Variants in NECAB1 observed in about 807,000 individuals in gnomAD.
The protein encoded by NECAB1 is N-terminal EF-hand calcium-binding protein 1.
NECAB1 carries 29 observed loss-of-function variants against 57.5 expected under a neutral mutation model. The observed-to-expected ratio is 0.50, with a 90% CI of 0.38 to 0.69. NECAB1 has a LOEUF of 0.69. Ranked by LOEUF, NECAB1 falls within the 30% of genes least tolerant of loss-of-function variation. The pLI is 0.00. For missense variants in NECAB1, 372 were observed against 413.8 expected, an observed-to-expected ratio of 0.90 and a Z score of 0.88; for synonymous variants, 142 against 147.7, an observed-to-expected ratio of 0.96 and a Z score of 0.28.
chr8:90,839,648 A>T (rs889743610), intron 3 of NECAB1, among the ~76,000 whole-genome samples: 1 of 152,214 alleles, frequency 6.6e-6, no homozygotes, highest in Non-Finnish European at 1.5e-5. Context: ...GTTTTCAGCC[A>T]GAGAGAATAG....
At chr8:90,880,196 C>T (rs1586079855) in intron 4 of NECAB1, among the ~76,000 whole-genome samples, 1 of 151,940 alleles carries the variant, frequency 6.6e-6, no homozygotes, top group South Asian at 2.1e-4. Context: ...TTTAGTTCCA[C>T]AAATACTGTG....
chr8:90,876,532 C>G (rs1322250066), intron 4 of NECAB1, among the ~76,000 whole-genome samples: 1 of 151,944 alleles, frequency 6.6e-6, no homozygotes, highest in Non-Finnish European at 1.5e-5. Context: ...TCCTTTGCTT[C>G]TGACAGAATT....
intron 2 of NECAB1, among the ~76,000 whole-genome samples, chr8:90,814,710 G>A (rs1182168562): frequency 6.6e-6 from 1 of 151,924 alleles, no homozygotes; most frequent in Non-Finnish European, 1.5e-5. Flanking sequence ...TTATGGGTGG[G>A]GAGTTTTTAC....
rs971753133 is a variant in NECAB1 at position 90,958,984 on chromosome 8, T to G, written c.*3472T>G. On this transcript the variant is annotated 3_prime_UTR_variant, in exon 13 of 13. Transcript: ENST00000417640. ...CACCTCATTTGCAGATGTCCAAACT[T>G]AAATTCATCTGTTCTTAAAATGCTA... is the stretch of plus-strand genomic sequence containing the variant. The G allele has an allele frequency of 4.2e-5, 58 of 1,395,278 alleles. No homozygotes were observed. The Admixed American group carries it at 1.3e-3, about 32-fold the overall frequency. 86.4% of individuals were successfully genotyped at this position (1,395,278 alleles called of 1,614,324 possible). A position where few individuals can be genotyped will look rare whatever the true frequency, so the allele number is the denominator to read the frequency against.
At chr8:90,935,406 T>A (rs1310291371) in intron 9 of NECAB1, among the ~76,000 whole-genome samples, 2 of 152,174 alleles carry the variant, frequency 1.3e-5, no homozygotes, top group African/African-American at 2.4e-5. Context: ...GCATGTCTAG[T>A]GCTTTTATCC....
chr8:90,953,145 G>A (rs1037939044), intron 12 of NECAB1, among the ~76,000 whole-genome samples: 5 of 152,148 alleles, frequency 3.3e-5, no homozygotes, highest in Admixed American at 1.3e-4. Context: ...GTTCTTATTA[G>A]TGTCTTGAGT....
intron 11 of NECAB1, among the ~76,000 whole-genome samples, chr8:90,950,512 A>T (rs1377683288): frequency 6.6e-6 from 1 of 152,324 alleles, no homozygotes; most frequent in Non-Finnish European, 1.5e-5. Flanking sequence ...GACAGTTTAA[A>T]ATGGTACAGA....
chr8:90,839,726 C>T lies in NECAB1; in HGVS notation c.233+14901C>T, dbSNP rs1410452592. 3.3e-5 allele frequency among the ~76,000 whole-genome samples: 5 copies of T among 152,096 alleles called. No individual in the cohort carries two copies. In the South Asian group the frequency reaches 6.2e-4, roughly 19 times the overall value. ...GAGAAGCTGAAGGGCATTCAGCATG[C>T]GCAGAGCACTGAATCAGGGTGGAGA... On this transcript the variant is annotated intron_variant, in intron 3 of 12. Transcript: ENST00000417640.
intron 5 of NECAB1, among the ~76,000 whole-genome samples, chr8:90,916,382 A>G (rs538999523): frequency 6.6e-5 from 10 of 152,192 alleles, no homozygotes; most frequent in Non-Finnish European, 1.5e-4. Context: ...TTAGTGATTT[A>G]TAAGTGGGAA....
chr8:90,953,413 T>G (rs1810957965), intron 12 of NECAB1, among the ~76,000 whole-genome samples: 1 of 152,212 alleles, frequency 6.6e-6, no homozygotes, highest in Admixed American at 6.5e-5. Flanking sequence ...CAGATAAAAC[T>G]GGATCAATTC....
chr8:90,857,517 G>T (rs113019609), intron 3 of NECAB1, among the ~76,000 whole-genome samples: 1 of 152,142 alleles, frequency 6.6e-6, no homozygotes, highest in African/African-American at 2.4e-5. Context: ...GTAAATGTAT[G>T]ACTTTGTAAA....
intron 5 of NECAB1, among the ~76,000 whole-genome samples, chr8:90,909,960 A>T (rs912285069): frequency 6.6e-6 from 1 of 151,988 alleles, no homozygotes; most frequent in Admixed American, 6.6e-5. Context: ...TATATTCAAC[A>T]TTTGTCACTT....
intron 6 of NECAB1, among the ~76,000 whole-genome samples, chr8:90,920,441 CA>C (rs1810078838): frequency 1.3e-5 from 2 of 152,282 alleles, no homozygotes; most frequent in African/African-American, 4.8e-5. Flanking sequence ...GGACCTTCAT[CA>C]GTGAGGAAAA....
chr8:90,829,785 T>C (rs1475034727), intron 3 of NECAB1, among the ~76,000 whole-genome samples: 4 of 152,060 alleles, frequency 2.6e-5, no homozygotes, highest in Non-Finnish European at 4.4e-5. Context: ...TAAAAAGCTC[T>C]TTTTTAAACC....
At chr8:90,911,066 A>G (rs1809819153) in intron 5 of NECAB1, among the ~76,000 whole-genome samples, 1 of 152,056 alleles carries the variant, frequency 6.6e-6, no homozygotes, top group African/African-American at 2.4e-5. Flanking sequence ...TTTTTATGTG[A>G]AGATTCCAAG....
At chr8:90,836,905 T>G (rs1295982530) in intron 3 of NECAB1, among the ~76,000 whole-genome samples, 2 of 152,224 alleles carry the variant, frequency 1.3e-5, no homozygotes, top group Non-Finnish European at 2.9e-5. Context: ...GAGGCTGATG[T>G]TTTGCCAAAA....
rs377294530 is a variant in NECAB1, at chr8:90,896,608, A to AAAAAACAAAAAC, written c.357+15496_357+15507dup. 9.3e-4 allele frequency among the ~76,000 whole-genome samples: 140 copies of AAAAAACAAAAAC among 150,064 alleles called. No homozygotes were observed. In the South Asian group the frequency reaches 0.012, roughly 13 times the overall value. On this transcript the variant is annotated intron_variant, in intron 5 of 12. Coordinates refer to ENST00000417640, the MANE Select transcript of NECAB1 (RefSeq NM_022351.5). ...CGACAGAGCGAGACTCCGTCTCAAA[A>AAAAAACAAAAAC]AAAAACAAAAACAAAAACAAAAACA... is the stretch of plus-strand genomic sequence containing the variant.
intron 3 of NECAB1, among the ~76,000 whole-genome samples, chr8:90,839,044 T>G (rs1351742666): frequency 1.3e-5 from 2 of 152,244 alleles, no homozygotes; most frequent in Non-Finnish European, 2.9e-5. Context: ...AGGGAAGGGA[T>G]GATTGATACA....
chr8:90,917,525 G>A lies in NECAB1; in HGVS notation c.391G>A (p.Val131Ile), dbSNP rs368256163. ...YQEASNLEQFVTRFLLKETLN... is the reference protein window; with the variant it reads ...YQEASNLEQFITRFLLKETLN... ...AGAAGCCTCCAATTTGGAACAATTC[G>A]TAACTAGATTTTTATTGAAGGAAAC... Residue 131 changes from valine to isoleucine, a missense_variant, in exon 6 of 13, where the codon GTA (valine) becomes ATA (isoleucine). Val to Ile is a conservative substitution (Grantham distance 29, BLOSUM62 3). Transcript: ENST00000417640. The A allele has an allele frequency of 3.0e-5, 48 of 1,611,350 alleles. No homozygotes were observed. The Middle Eastern group carries it at 8.3e-4, about 28-fold the overall frequency.
Sources: gnomAD v4.1 joint callset for allele counts (sites outside exome capture counted in the v4.1 genomes callset) on GRCh38, gnomAD v4.1.1 for gene constraint, MANE v1.5 for transcripts, NCBI Gene and HGNC (gene_info 2026-07-23, HGNC 2026-07-21) for gene names.